The following ERP44 variants were observed in gnomAD, a reference collection of about 807,000 sequenced individuals.
ERP44 encodes the protein endoplasmic reticulum protein 44.
Under a neutral mutation model 53.4 loss-of-function variants are expected in ERP44, and 25 were observed. The observed-to-expected ratio is 0.47, with a 90% CI of 0.34 to 0.65. The LOEUF (loss-of-function observed/expected upper bound fraction) is 0.65. Ranked by LOEUF, ERP44 falls within the 30% of genes least tolerant of loss-of-function variation. ERP44 has a pLI of 0.01. For synonymous variants in ERP44, 145 were observed against 161.2 expected (o/e 0.90, Z 0.76); for missense variants, 338 against 493.2 (o/e 0.69, Z 2.98).
chr9:100,067,243 G>A lies in ERP44; in HGVS notation c.58-7071C>T, dbSNP rs557318412. 3.6e-3 allele frequency among the ~76,000 whole-genome samples: 549 copies of A among 152,128 alleles called. 3 individuals carry two copies. The highest frequency in any genetic ancestry group is 0.012 in the African/African-American group (509 of 41,472). On this transcript the variant is annotated intron_variant, in intron 1 of 11. Coordinates refer to ENST00000262455, the MANE Select transcript of ERP44 (RefSeq NM_015051.3). ...CCACAGTCTCCCTCTGATGCCGAGC[G>A]GAAGCTGGACTGTACTGCTGCCATC...
At chr9:100,084,820 G>T (rs1487159315) in intron 1 of ERP44, among the ~76,000 whole-genome samples, 1 of 152,168 alleles carries the variant, frequency 6.6e-6, no homozygotes, top group Non-Finnish European at 1.5e-5. Flanking sequence ...AATCCGTTTT[G>T]CATTAGAAGT....
chr9:100,033,199 T>C (rs1386551219), intron 4 of ERP44, among the ~76,000 whole-genome samples: 1 of 152,214 alleles, frequency 6.6e-6, no homozygotes, highest in African/African-American at 2.4e-5. Flanking sequence ...CATGACACAA[T>C]TGGAAAAATT....
chr9:100,053,920 G>A (rs1487883188), intron 3 of ERP44, among the ~76,000 whole-genome samples: 3 of 152,100 alleles, frequency 2.0e-5, no homozygotes, highest in Admixed American at 6.5e-5. Flanking sequence ...CATGTAATTA[G>A]TTCATACATA....
At chr9:100,023,989 T>C (rs1245656147) in intron 4 of ERP44, among the ~76,000 whole-genome samples, 1 of 152,044 alleles carries the variant, frequency 6.6e-6, no homozygotes. Context: ...ACCTTGTCTC[T>C]ACTAAAAATA....
Position 100,005,666 on chromosome 9 carries a change from C to T in ERP44, c.1016+840G>A, listed in dbSNP as rs117747945. On this transcript the variant is annotated intron_variant, in intron 10 of 11. Transcript: ENST00000262455. ...CAAGGCTGGACTCAAATCTAGGCTT[C>T]CTAGGTAATTTTAGGATTGGGAATC... Among the ~76,000 whole-genome samples, 1,031 of 152,230 alleles carry T rather than the reference C, an allele frequency of 6.8e-3. 6 individuals are homozygous for T. The highest frequency in any genetic ancestry group is 0.011 in the Admixed American group (162 of 15,296).
At chr9:100,051,092 GACA>G (rs1446179923) in intron 4 of ERP44, among the ~76,000 whole-genome samples, 1 of 152,184 alleles carries the variant, frequency 6.6e-6, no homozygotes. Context: ...TGCCTGTACT[GACA>G]ACCTTTTATT....
At chr9:100,057,792 A>G (rs760487528) in intron 3 of ERP44, 28 bp downstream of exon 3, 1 of 1,584,102 alleles carries the variant, frequency 6.3e-7, no homozygotes, top group Admixed American at 1.8e-5. Flanking sequence ...TAAAAACAAA[A>G]CCAAACCCAA....
At chr9:100,097,567 T>C (rs1003158857) in intron 1 of ERP44, among the ~76,000 whole-genome samples, 2 of 152,222 alleles carry the variant, frequency 1.3e-5, no homozygotes, top group African/African-American at 4.8e-5. Flanking sequence ...TCATTCACTG[T>C]TGTATACTTA....
At chr9:100,093,959 G>GT (rs1360700389) in intron 1 of ERP44, among the ~76,000 whole-genome samples, 8 of 152,204 alleles carry the variant, frequency 5.3e-5, no homozygotes, top group Non-Finnish European at 8.8e-5. Flanking sequence ...TATACGGAGA[G>GT]TAATTTCAAA....
chr9:100,035,719 AC>A (rs1451973316), intron 4 of ERP44, among the ~76,000 whole-genome samples: 2 of 152,090 alleles, frequency 1.3e-5, no homozygotes, highest in Non-Finnish European at 2.9e-5. Context: ...AAATAAAAAA[AC>A]AAAAAGTGGA....
chr9:100,088,308 A>G (rs1826509473), intron 1 of ERP44, among the ~76,000 whole-genome samples: 1 of 152,244 alleles, frequency 6.6e-6, no homozygotes. Context: ...TATTCACTAT[A>G]TGACAATCAC....
intron 1 of ERP44, among the ~76,000 whole-genome samples, chr9:100,090,880 T>C (rs566413509): frequency 1.2e-4 from 18 of 152,330 alleles, no homozygotes; most frequent in South Asian, 2.1e-4. Context: ...ATATTCCTAA[T>C]GACCTCTTTT....
intron 1 of ERP44, among the ~76,000 whole-genome samples, chr9:100,079,823 T>G (rs1480619900): frequency 2.6e-5 from 4 of 151,926 alleles, no homozygotes; most frequent in Admixed American, 1.3e-4. Context: ...TAGTCCTAGC[T>G]TCTTGGGAGG....
In ERP44 at chr9:100,098,765, C is replaced by A; in HGVS notation, c.57+19G>T. The A allele has an allele frequency of 6.2e-7, 1 of 1,610,498 alleles. No individual in the cohort carries two copies. The highest frequency in any genetic ancestry group is 1.1e-5 in the South Asian group (1 of 90,936). On this transcript the variant is annotated intron_variant, in intron 1 of 11. Coordinates refer to ENST00000262455, the MANE Select transcript of ERP44 (RefSeq NM_015051.3). ...GCCGTTCGTGCGTTTGTCGATGGGTCTGTCATTCCCTCACTCACCAGGAGC... is the reference window on the plus strand; with the variant it reads ...GCCGTTCGTGCGTTTGTCGATGGGTATGTCATTCCCTCACTCACCAGGAGC...
chr9:99,989,014 G>C (rs1253377491), intron 10 of ERP44, among the ~76,000 whole-genome samples: 1 of 152,202 alleles, frequency 6.6e-6, no homozygotes, highest in Non-Finnish European at 1.5e-5. Context: ...GGCTTGACTA[G>C]GTAAACAAAG....
At chr9:100,018,620 T>TA (rs1391913534) in intron 6 of ERP44, among the ~76,000 whole-genome samples, 66 of 150,744 alleles carry the variant, frequency 4.4e-4, no homozygotes, top group African/African-American at 1.3e-3. Flanking sequence ...ATGGACTAAT[T>TA]AAAAAAAAAC....
intron 1 of ERP44, among the ~76,000 whole-genome samples, chr9:100,096,340 G>C (rs997256606): frequency 6.6e-6 from 1 of 151,816 alleles, no homozygotes; most frequent in African/African-American, 2.4e-5. Flanking sequence ...GCAGAAAAGG[G>C]CTAATTAAAT....
At position 99,999,228 on chromosome 9, in the gene ERP44, CAT is replaced by C. The variant is rs1195695761; in HGVS notation, c.1016+7276_1016+7277del. Among the ~76,000 whole-genome samples, 21 of 118,942 alleles carry C rather than the reference CAT, an allele frequency of 1.8e-4. No homozygotes were observed. The Admixed American group carries it at 2.1e-3, about 12-fold the overall frequency. 78.0% of individuals were successfully genotyped at this position (118,942 alleles called of 152,430 possible). A position where few individuals can be genotyped will look rare whatever the true frequency, so the allele number is the denominator to read the frequency against. On this transcript the variant is annotated intron_variant, in intron 10 of 11. Coordinates refer to ENST00000262455, the MANE Select transcript of ERP44 (RefSeq NM_015051.3). ...GTCCTCTCGATGTTGATCATTTTTT[CAT>C]ATGTTTGTTGGCCATTTGTGTATCT...
intron 4 of ERP44, among the ~76,000 whole-genome samples, chr9:100,047,166 A>C (rs774937941): frequency 3.9e-5 from 6 of 152,216 alleles, no homozygotes; most frequent in Non-Finnish European, 7.3e-5. Flanking sequence ...ATAGCAGAAA[A>C]TCTTTGTGAT....
Sources: allele counts gnomAD v4.1 joint callset (sites outside exome capture counted in the v4.1 genomes callset), GRCh38; gene constraint gnomAD v4.1.1; transcripts MANE v1.5; gene names NCBI Gene and HGNC (gene_info 2026-07-23, HGNC 2026-07-21).